PTPRM: variants seen among roughly 807,000 people sequenced by gnomAD.
The protein encoded by PTPRM is receptor-type tyrosine-protein phosphatase mu.
PTPRM carries 47 observed loss-of-function variants against 186.7 expected under a neutral mutation model. That is an observed-to-expected ratio of 0.25 (90% CI 0.20 to 0.32). The LOEUF (loss-of-function observed/expected upper bound fraction) is 0.32, where lower values mean the gene tolerates loss of function less well. Ranked by LOEUF, PTPRM falls within the 10% of genes least tolerant of loss-of-function variation. PTPRM has a pLI of 1.00. For synonymous variants in PTPRM, 668 were observed against 674.9 expected, an observed-to-expected ratio of 0.99 and a Z score of 0.16; for missense variants, 1,494 against 1,865.0, an observed-to-expected ratio of 0.80 and a Z score of 3.66.
chr18:7,673,576 A>G (rs2039267036), intron 1 of PTPRM, among the ~76,000 whole-genome samples: 1 of 152,226 alleles, frequency 6.6e-6, no homozygotes, highest in Non-Finnish European at 1.5e-5. Flanking sequence ...CAAAGTGAAA[A>G]AGATGAGAGA....
chr18:8,114,072 C>T (rs1416031992), intron 12 of PTPRM, among the ~76,000 whole-genome samples: 1 of 151,990 alleles, frequency 6.6e-6, no homozygotes, highest in Non-Finnish European at 1.5e-5. Context: ...AGTATAGCTC[C>T]AACACATACA....
chr18:8,378,644 C>A (rs774002207), intron 27 of PTPRM, among the ~76,000 whole-genome samples: 20 of 152,120 alleles, frequency 1.3e-4, no homozygotes, highest in Non-Finnish European at 2.4e-4. Context: ...GACAGAAATA[C>A]CTGGTTGAGA....
chr18:7,983,352 C>T (rs922892209), intron 7 of PTPRM, among the ~76,000 whole-genome samples: 11 of 152,074 alleles, frequency 7.2e-5, no homozygotes, highest in African/African-American at 2.7e-4. Flanking sequence ...AGCTATCCCC[C>T]CAACCTGGTT....
intron 1 of PTPRM, among the ~76,000 whole-genome samples, chr18:7,735,820 C>T (rs188000820): frequency 3.0e-4 from 46 of 151,836 alleles, no homozygotes; most frequent in African/African-American, 1.1e-3. Flanking sequence ...GCTTCCACAA[C>T]TTCCCTTATC....
intron 1 of PTPRM, among the ~76,000 whole-genome samples, chr18:7,703,399 G>A (rs2040007641): frequency 6.6e-6 from 1 of 152,140 alleles, no homozygotes; most frequent in African/African-American, 2.4e-5. Flanking sequence ...TCCCTTGTAA[G>A]TTGGATTCTT....
At position 8,260,049 on chromosome 18, in the gene PTPRM, A is replaced by G. The variant is rs1011294069; in HGVS notation, c.2754+6635A>G. ...CCTGGGGCTCGGTCATTTGTAAAGA[A>G]AAAAGGTTCTGCAAGCTGGGAAGGA... On this transcript the variant is annotated intron_variant, in intron 19 of 32. Coordinates refer to ENST00000580170, the MANE Select transcript of PTPRM (RefSeq NM_001105244.2). Among the ~76,000 whole-genome samples the G allele has an allele frequency of 2.0e-5, 3 of 152,204 alleles. 1 individual carries two copies. Among genetic ancestry groups the G allele is most frequent in the Non-Finnish European group, 2.9e-5 (2 of 68,046 alleles).
intron 20 of PTPRM, among the ~76,000 whole-genome samples, chr18:8,307,809 A>C (rs1251861): frequency 1.4e-5 from 2 of 143,398 alleles, no homozygotes; most frequent in African/African-American, 5.5e-5. Context: ...TGTCTCAAAA[A>C]AAAAAAATAA....
intron 7 of PTPRM, among the ~76,000 whole-genome samples, chr18:8,064,936 G>T (rs1409106462): frequency 6.6e-6 from 1 of 152,170 alleles, no homozygotes; most frequent in Non-Finnish European, 1.5e-5. Context: ...GGTGAGGCAG[G>T]AGTACAGTAG....
chr18:7,915,638 G>A (rs1243333796), intron 4 of PTPRM, among the ~76,000 whole-genome samples: 3 of 152,090 alleles, frequency 2.0e-5, no homozygotes, highest in Non-Finnish European at 2.9e-5. Flanking sequence ...TCAACACTGC[G>A]AAATAGGTAC....
At position 7,846,217 on chromosome 18, in the gene PTPRM, T is replaced by C. The variant is rs1335479582; in HGVS notation, c.197-41889T>C. Among the ~76,000 whole-genome samples the C allele has an allele frequency of 7.9e-5, 12 of 152,230 alleles. No individual in the cohort carries two copies. In the East Asian group the frequency reaches 1.2e-3, roughly 15 times the overall value. On this transcript the variant is annotated intron_variant, in intron 2 of 32. Coordinates refer to ENST00000580170, the MANE Select transcript of PTPRM (RefSeq NM_001105244.2). Reference sequence around the variant, plus strand: ...AGAGTGTCCACTCACACGCCTGAAATAGAATGAGGTGGAAGAAGGCAAGAC... The same window carrying C: ...AGAGTGTCCACTCACACGCCTGAAACAGAATGAGGTGGAAGAAGGCAAGAC...
At chr18:7,725,597 G>A (rs992298124) in intron 1 of PTPRM, among the ~76,000 whole-genome samples, 1 of 145,442 alleles carries the variant, frequency 6.9e-6, no homozygotes, top group Admixed American at 6.7e-5. Context: ...GCCAGCAGAG[G>A]GGAGAAGCAG....
rs1233011622 is a variant in PTPRM, at chr18:7,660,919, C to T, written c.73+93028C>T. On this transcript the variant is annotated intron_variant, in intron 1 of 32. Coordinates refer to ENST00000580170, the MANE Select transcript of PTPRM (RefSeq NM_001105244.2). Reference sequence around the variant, plus strand: ...CTGGGAGATGGAGGTTGCAGTGATACGAGATCACGCCATTGCACTCCAGCC... The same window carrying T: ...CTGGGAGATGGAGGTTGCAGTGATATGAGATCACGCCATTGCACTCCAGCC... Among the ~76,000 whole-genome samples the T allele has an allele frequency of 5.3e-5, 8 of 151,748 alleles. 1 individual carries two copies. Among genetic ancestry groups the T allele is most frequent in the Non-Finnish European group, 8.8e-5 (6 of 67,954 alleles).
At chr18:8,121,049 C>T (rs16952903) in intron 13 of PTPRM, among the ~76,000 whole-genome samples, 4,169 of 152,290 alleles carry the variant, frequency 0.027, 174 homozygotes, top group African/African-American at 0.095. Context: ...AAAATTATCT[C>T]TGTAATGCGT....
chr18:7,602,042 A>G (rs1055297008), intron 1 of PTPRM, among the ~76,000 whole-genome samples: 1 of 152,204 alleles, frequency 6.6e-6, no homozygotes, highest in Admixed American at 6.5e-5. Flanking sequence ...TTTGCATTTT[A>G]CTGATGAGGG....
intron 20 of PTPRM, among the ~76,000 whole-genome samples, chr18:8,299,550 A>C (rs965640911): frequency 5.3e-5 from 8 of 151,244 alleles, no homozygotes; most frequent in Non-Finnish European, 1.2e-4. Flanking sequence ...ATGCCACTGC[A>C]CTCCAGCCTG....
At chr18:7,660,801 C>A (rs540548300) in intron 1 of PTPRM, among the ~76,000 whole-genome samples, 1 of 152,118 alleles carries the variant, frequency 6.6e-6, no homozygotes, top group South Asian at 2.1e-4. Context: ...GAAACCTTGT[C>A]TCTACCAAAA....
intron 7 of PTPRM, among the ~76,000 whole-genome samples, chr18:8,044,770 A>AG (rs1319477850): frequency 2.0e-5 from 3 of 147,886 alleles, no homozygotes; most frequent in Non-Finnish European, 4.4e-5. Flanking sequence ...AAAAAAAAAA[A>AG]AAAGAAAAAA....
chr18:8,296,794 C>T (rs1166626777), intron 20 of PTPRM, among the ~76,000 whole-genome samples: 2 of 152,150 alleles, frequency 1.3e-5, no homozygotes, highest in African/African-American at 4.8e-5. Flanking sequence ...AATAATGATG[C>T]ACAGCTTGCC....
At chr18:7,962,560 C>T (rs575383464) in intron 7 of PTPRM, among the ~76,000 whole-genome samples, 2 of 152,086 alleles carry the variant, frequency 1.3e-5, no homozygotes, top group African/African-American at 2.4e-5. Flanking sequence ...TGGAGTGATT[C>T]GTTTTAAATA....
Sources: allele counts gnomAD v4.1 joint callset (sites outside exome capture counted in the v4.1 genomes callset), GRCh38; gene constraint gnomAD v4.1.1; transcripts MANE v1.5; gene names NCBI Gene and HGNC (gene_info 2026-07-23, HGNC 2026-07-21).